MAF: variants seen among roughly 807,000 people sequenced by gnomAD.
MAF encodes the protein MAF bZIP transcription factor.
Under a neutral mutation model 22.0 loss-of-function variants are expected in MAF, and 10 were observed. The observed-to-expected ratio is 0.45, with a 90% CI of 0.28 to 0.77. The LOEUF (loss-of-function observed/expected upper bound fraction) is 0.77. MAF is among the 30% of genes least tolerant of loss of function. The probability of loss-of-function intolerance (pLI) is 0.12; values close to 1 mark genes in which losing one functional copy is unlikely to be tolerated. For missense variants in MAF, 544 were observed against 548.4 expected (o/e 0.99, Z 0.08); for synonymous variants, 337 against 255.8 (o/e 1.32, Z -3.03).
the MAF span, among the ~76,000 whole-genome samples, chr16:79,401,482 G>A: frequency 2.0e-5 from 3 of 152,064 alleles, no homozygotes; most frequent in African/African-American, 7.2e-5. Context: ...AGGGTCTACT[G>A]AGAATACACT....
the MAF span, among the ~76,000 whole-genome samples, chr16:79,491,327 G>C: frequency 0.036 from 5,532 of 152,244 alleles, 317 homozygotes; most frequent in African/African-American, 0.12. Context: ...AAATTAACCA[G>C]AACTTAGATG....
the MAF span, among the ~76,000 whole-genome samples, chr16:79,392,148 G>T: frequency 2.0e-5 from 3 of 149,840 alleles, no homozygotes; most frequent in African/African-American, 7.4e-5. Context: ...GGGAGGGGGA[G>T]AGAGAGTGAA....
At chr16:79,516,822 A>G in the MAF span, among the ~76,000 whole-genome samples, 1 of 131,460 alleles carries the variant, frequency 7.6e-6, no homozygotes, top group Non-Finnish European at 1.6e-5. Context: ...AAGGAAAGAC[A>G]GAGCTAACGT....
chr16:79,567,836 T>A, the MAF span, among the ~76,000 whole-genome samples: 534 of 152,372 alleles, frequency 3.5e-3, 2 homozygotes, highest in Middle Eastern at 0.01. Context: ...ACCTGCCAGC[T>A]AATGTCTCTT....
chr16:79,249,300 T>A, the MAF span, among the ~76,000 whole-genome samples: 2 of 151,774 alleles, frequency 1.3e-5, no homozygotes, highest in African/African-American at 4.8e-5. Flanking sequence ...ATGCCTGTTA[T>A]CCCAGCTACT....
At chr16:79,414,189 G>T in the MAF span, among the ~76,000 whole-genome samples, 1 of 152,236 alleles carries the variant, frequency 6.6e-6, no homozygotes, top group Admixed American at 6.5e-5. Context: ...AGAGTGTCTT[G>T]GTCCATTTTG....
chr16:79,545,400 G>C, the MAF span, among the ~76,000 whole-genome samples: 1 of 152,208 alleles, frequency 6.6e-6, no homozygotes, highest in South Asian at 2.1e-4. Context: ...AGTATCAAGA[G>C]ATTCAAGGGG....
At chr16:79,565,206 T>C in the MAF span, among the ~76,000 whole-genome samples, 3 of 152,194 alleles carry the variant, frequency 2.0e-5, no homozygotes, top group Non-Finnish European at 4.4e-5. Context: ...AAGCTGGGTC[T>C]ATGGGAGTTG....
At chr16:79,276,146 A>C in the MAF span, among the ~76,000 whole-genome samples, 1 of 39,994 alleles carries the variant, frequency 2.5e-5, no homozygotes, top group African/African-American at 5.4e-5. Context: ...TCTCAAAGAA[A>C]AAAAAAGAAA....
the MAF span, among the ~76,000 whole-genome samples, chr16:79,344,677 C>G: frequency 6.6e-6 from 1 of 152,180 alleles, no homozygotes; most frequent in Admixed American, 6.5e-5. Flanking sequence ...TAGTTAGCCA[C>G]TTTGAAGTCA....
the MAF span, among the ~76,000 whole-genome samples, chr16:79,306,796 C>G: frequency 1.3e-5 from 2 of 152,204 alleles, no homozygotes; most frequent in East Asian, 1.9e-4. Context: ...GGACTAGAGG[C>G]AGTCTCTCTG....
At chr16:79,335,952 C>T in the MAF span, among the ~76,000 whole-genome samples, 1 of 152,154 alleles carries the variant, frequency 6.6e-6, no homozygotes, top group East Asian at 1.9e-4. Flanking sequence ...AGACAATTCC[C>T]AGAGTCCAGC....
chr16:79,468,036 T>C, the MAF span, among the ~76,000 whole-genome samples: 1 of 152,116 alleles, frequency 6.6e-6, no homozygotes, highest in African/African-American at 2.4e-5. Context: ...GAAATTTAAT[T>C]AAATTAGAAT....
At chr16:79,426,280 A>G in the MAF span, among the ~76,000 whole-genome samples, 1 of 152,346 alleles carries the variant, frequency 6.6e-6, no homozygotes, top group Admixed American at 6.5e-5. Flanking sequence ...TGGTAGGAAA[A>G]CAGAACCTAA....
chr16:79,405,772 G>T, the MAF span, among the ~76,000 whole-genome samples: 81 of 151,850 alleles, frequency 5.3e-4, 1 homozygote, highest in South Asian at 0.016. Flanking sequence ...ATCTTATTTA[G>T]TCCTCAAAAC....
the MAF span, among the ~76,000 whole-genome samples, chr16:79,458,162 T>C: frequency 9.9e-6 from 1 of 100,528 alleles, no homozygotes; most frequent in Non-Finnish European, 2.6e-5. Context: ...GCTGTGTGAC[T>C]ACTCAGCTAA....
chr16:79,342,338 T>C, the MAF span, among the ~76,000 whole-genome samples: 1 of 152,250 alleles, frequency 6.6e-6, no homozygotes, highest in African/African-American at 2.4e-5. Flanking sequence ...CATCCAGGTG[T>C]GTCTTCACAG....
chr16:79,547,413 G>A, the MAF span, among the ~76,000 whole-genome samples: 1 of 151,828 alleles, frequency 6.6e-6, no homozygotes, highest in African/African-American at 2.4e-5. Flanking sequence ...CATACAATCA[G>A]TTAATTGAAA....
chr16:79,548,145 T>G, the MAF span, among the ~76,000 whole-genome samples: 2 of 152,228 alleles, frequency 1.3e-5, no homozygotes, highest in African/African-American at 4.8e-5. Flanking sequence ...GGTCAATTTC[T>G]TTTCAAGATT....
Sources: gnomAD v4.1 joint callset for allele counts (sites outside exome capture counted in the v4.1 genomes callset) on GRCh38, gnomAD v4.1.1 for gene constraint, MANE v1.5 for transcripts, NCBI Gene and HGNC (gene_info 2026-07-23, HGNC 2026-07-21) for gene names.